DOCK11: variants seen among roughly 807,000 people sequenced by gnomAD.
DOCK11 encodes dedicator of cytokinesis protein 11.
In DOCK11, 70 loss-of-function variants were observed where a neutral mutation model predicts 169.1. The ratio of observed to expected loss-of-function variants is 0.41; its 90% CI spans 0.34 to 0.51. DOCK11 has a LOEUF of 0.51. DOCK11 is among the 20% of genes least tolerant of loss of function. DOCK11 has a pLI of 0.10. For missense variants in DOCK11, 1,166 were observed against 1,538.8 expected (o/e 0.76, Z 4.05); for synonymous variants, 529 against 541.3 (o/e 0.98, Z 0.32).
chrX:118,615,636 A>C lies in DOCK11; in HGVS notation c.3217A>C (p.Ile1073Leu), dbSNP rs1278770931. ...ATACAAGTTTGAATTTCTGCAAACA[A>C]TTTGCAATCACGAACATTACATTCC... Reference protein sequence around the residue: ...AEYKFEFLQTICNHEHYIPLN... With the variant: ...AEYKFEFLQTLCNHEHYIPLN... Residue 1073 changes from isoleucine (I) to leucine (L), a missense_variant, in exon 30 of 53, where the codon ATT becomes CTT. Physicochemically the swap from Ile to Leu is conservative, Grantham distance 5. Coordinates refer to ENST00000276202, the MANE Select transcript of DOCK11 (RefSeq NM_144658.4). 5.8e-6 allele frequency: 7 copies of C among 1,210,061 alleles called. No homozygotes were observed. The highest frequency in any genetic ancestry group is 6.7e-6 in the Non-Finnish European group (6 of 894,543).
Position 118,544,644 on chromosome X carries a change from G to GTTTTTTT in DOCK11, c.393-679_393-678insTTTTTTT, listed in dbSNP as rs1439441148. On this transcript the variant is annotated intron_variant, in intron 4 of 52. Transcript: ENST00000276202. ...ATGCAAGAGCCAGAATTACACTGTT[G>GTTTTTTT]CTTTTTTTTTTTTTTTTTTTTTTTT... Among the ~76,000 whole-genome samples the GTTTTTTT allele has an allele frequency of 2.4e-4, 11 of 45,743 alleles. No homozygotes were observed. In the East Asian group the frequency reaches 3.4e-3, roughly 14 times the overall value. 39.7% of individuals were successfully genotyped at this position (45,743 alleles called of 115,157 possible).
At chrX:118,615,502 T>C (rs2014786804) in intron 29 of DOCK11, 98 bp from the exon 30 acceptor site, 1 of 659,937 alleles carries the variant, frequency 1.5e-6, no homozygotes, top group Non-Finnish European at 2.3e-6. Flanking sequence ...CTTAGAATAC[T>C]AAGCACTTCC....
At chrX:118,521,347 C>A (rs2011263337) in intron 1 of DOCK11, among the ~76,000 whole-genome samples, 1 of 112,242 alleles carries the variant, frequency 8.9e-6, no homozygotes, top group Admixed American at 9.5e-5. Flanking sequence ...AAGGGATAAT[C>A]CATGGTCAAC....
At chrX:118,655,326 A>T (rs759882383) in intron 44 of DOCK11, among the ~76,000 whole-genome samples, 1 of 69,605 alleles carries the variant, frequency 1.4e-5, no homozygotes, top group South Asian at 5.1e-4. Context: ...TATAAAATAT[A>T]AAAAAAAAAT....
intron 47 of DOCK11, among the ~76,000 whole-genome samples, 178 bp downstream of exon 47, chrX:118,676,227 C>T (rs922155122): frequency 8.1e-5 from 9 of 111,773 alleles, no homozygotes; most frequent in Non-Finnish European, 1.3e-4. Flanking sequence ...GGTCAGAATA[C>T]AACAGAAAAG....
chrX:118,658,491 G>A (rs1400958164), intron 44 of DOCK11, among the ~76,000 whole-genome samples: 1 of 111,779 alleles, frequency 8.9e-6, no homozygotes, highest in Admixed American at 9.5e-5. Flanking sequence ...ACCCACAAGG[G>A]ACCATTTCCA....
At chrX:118,654,475 G>A (rs971403608) in intron 42 of DOCK11, 127 bp from the exon 43 acceptor site, 1 of 542,157 alleles carries the variant, frequency 1.8e-6, no homozygotes, top group East Asian at 3.5e-5. Context: ...TTATTTCAGT[G>A]TACTATATGC....
chrX:118,567,948 T>C, intron 9 of DOCK11, 131 bp from the exon 10 acceptor site: 1 of 311,330 alleles, frequency 3.2e-6, no homozygotes, highest in Non-Finnish European at 5.7e-6. Context: ...TGTTTTGTAC[T>C]GACTACAGGA....
At chrX:118,538,386 G>A (rs1270011008) in intron 1 of DOCK11, among the ~76,000 whole-genome samples, 4 of 112,247 alleles carry the variant, frequency 3.6e-5, no homozygotes, top group Admixed American at 9.5e-5. Flanking sequence ...ATATGAAAGT[G>A]TTTTCTTAAG....
intron 7 of DOCK11, among the ~76,000 whole-genome samples, chrX:118,561,918 C>T (rs985946822): frequency 5.4e-5 from 6 of 110,193 alleles, no homozygotes; most frequent in Admixed American, 2.9e-4. Context: ...ATAATCCCTG[C>T]GCTTTGTAAG....
At chrX:118,600,703 T>C (rs963454569) in intron 23 of DOCK11, among the ~76,000 whole-genome samples, 40 of 110,477 alleles carry the variant, frequency 3.6e-4, no homozygotes, top group African/African-American at 1.3e-3. Context: ...TGTTTTAAAG[T>C]GGCCAGAGAA....
In DOCK11 at chrX:118,545,419, A is replaced by G. The variant is rs1404707346; in HGVS notation, c.462+27A>G. 10 of 1,096,593 alleles carry G rather than the reference A, an allele frequency of 9.1e-6. No homozygotes were observed. In the Middle Eastern group the frequency reaches 2.5e-3, roughly 274 times the overall value. The allele number at this position is 1,096,593 out of a possible 1,213,427, so 90.4% of individuals were successfully genotyped here. Reference sequence around the variant, plus strand: ...TAAGAATGGGGGCAACAGTTGGGGTAACTGTGCTAGTTTCCTCACGGTCAC... The same window carrying G: ...TAAGAATGGGGGCAACAGTTGGGGTGACTGTGCTAGTTTCCTCACGGTCAC... On this transcript the variant is annotated intron_variant, in intron 5 of 52. Coordinates refer to ENST00000276202, the MANE Select transcript of DOCK11 (RefSeq NM_144658.4).
intron 6 of DOCK11, among the ~76,000 whole-genome samples, chrX:118,549,582 C>T (rs1482115644): frequency 6.3e-5 from 7 of 111,660 alleles, no homozygotes; most frequent in Non-Finnish European, 1.3e-4. Flanking sequence ...TTGAGACAGT[C>T]TCACTGTGTC....
At chrX:118,546,208 AG>A in intron 6 of DOCK11, 92 bp downstream of exon 6, 7 of 235,413 alleles carry the variant, frequency 3.0e-5, no homozygotes, top group Non-Finnish European at 3.4e-5. Flanking sequence ...AAAGAGCCCT[AG>A]CAAAAAAAAA....
chrX:118,667,198 GAA>G (rs945634154), intron 45 of DOCK11, among the ~76,000 whole-genome samples: 2 of 111,157 alleles, frequency 1.8e-5, no homozygotes, highest in Non-Finnish European at 3.8e-5. Flanking sequence ...TGGTTGAGCA[GAA>G]AATTTTGGTT....
intron 12 of DOCK11, among the ~76,000 whole-genome samples, chrX:118,576,297 C>T (rs1282894851): frequency 9.0e-6 from 1 of 111,251 alleles, no homozygotes; most frequent in Non-Finnish European, 1.9e-5. Flanking sequence ...GGTGGGGAGG[C>T]ATATTCATGC....
chrX:118,563,497 C>A (rs1297722311), intron 7 of DOCK11, among the ~76,000 whole-genome samples: 1 of 107,752 alleles, frequency 9.3e-6, no homozygotes, highest in Non-Finnish European at 1.9e-5. Context: ...TGAGAAAACA[C>A]TTTTTAAAAA....
At chrX:118,666,445 A>G (rs748854409) in intron 45 of DOCK11, among the ~76,000 whole-genome samples, 1 of 111,186 alleles carries the variant, frequency 9.0e-6, no homozygotes, top group Non-Finnish European at 1.9e-5. Context: ...TCTGATTTCT[A>G]TCACCATGAA....
Position 118,495,941 on chromosome X carries a change from C to A in DOCK11, c.-31C>A, listed in dbSNP as rs1215593917. 45 of 1,011,468 alleles carry A rather than the reference C, an allele frequency of 4.4e-5. No individual in the cohort carries two copies. The highest frequency in any genetic ancestry group is 2.9e-5 in the Non-Finnish European group (23 of 790,579). The allele number at this position is 1,011,468 out of a possible 1,213,427, so 83.4% of individuals were successfully genotyped here. A position where few individuals can be genotyped will look rare whatever the true frequency, so the allele number is the denominator to read the frequency against. On this transcript the variant is annotated 5_prime_UTR_variant, in exon 1 of 53. Coordinates refer to ENST00000276202, the MANE Select transcript of DOCK11 (RefSeq NM_144658.4). ...GTCCACCCGCCCGCCGAGGTCCGCC[C>A]GCCCGCCGAGACCCGCCCGCCGCCG...
Sources: gnomAD v4.1 joint callset for allele counts (sites outside exome capture counted in the v4.1 genomes callset) on GRCh38, gnomAD v4.1.1 for gene constraint, MANE v1.5 for transcripts, NCBI Gene and HGNC (gene_info 2026-07-23, HGNC 2026-07-21) for gene names.